The following ABCA10 variants were observed in gnomAD, a reference collection of about 807,000 sequenced individuals.
ABCA10 encodes the protein ATP binding cassette subfamily A member 10.
A neutral mutation model predicts 187.5 loss-of-function variants in ABCA10; 169 were observed. That is an observed-to-expected ratio of 0.90 (90% confidence interval 0.80 to 1.02). The LOEUF is 1.02. Among genes scored for constraint, ABCA10 ranks in the 50% least tolerant of loss-of-function variants. The pLI is 0.00. For missense variants in ABCA10, 1,727 were observed against 1,812.4 expected (o/e 0.95, Z 0.86); for synonymous variants, 574 against 601.8 (o/e 0.95, Z 0.68).
chr17:69,167,863 AG>A (rs993078929), intron 25 of ABCA10, among the ~76,000 whole-genome samples: 32 of 152,198 alleles, frequency 2.1e-4, no homozygotes, highest in African/African-American at 7.7e-4. Flanking sequence ...AAAAGCAAAA[AG>A]TAAGACAGAA....
At chr17:69,228,306 G>C (rs902346125) in intron 1 of ABCA10, among the ~76,000 whole-genome samples, 1 of 151,850 alleles carries the variant, frequency 6.6e-6, no homozygotes, top group African/African-American at 2.4e-5. Context: ...ATTCTCAAAA[G>C]GATATTCAAA....
chr17:69,221,844 C>T lies in ABCA10; in HGVS notation c.251G>A (p.Trp84Ter). Residue 84 changes from tryptophan to a stop codon, truncating the protein, a stop_gained, in exon 5 of 39, where the codon TGG becomes TAG. Transcript: ENST00000690296. LOFTEE classifies it high-confidence loss of function. ...GEIFCYLAKYWLKGFVAFQAA... is the reference protein window; with the variant it reads ...GEIFCYLAKY The stretch of plus-strand genomic sequence containing the variant: ...TTGAAAAGCTACAAACCCTTTTAGC[C>T]AGTACTTTGCCAAGTAACAAAAAAT... 3 of 1,613,204 alleles carry T rather than the reference C, an allele frequency of 1.9e-6. No individual in the cohort carries two copies. The highest frequency in any genetic ancestry group is 1.7e-4 in the Middle Eastern group (1 of 6,058).
At chr17:69,158,059 C>T (rs1036551858) in intron 27 of ABCA10, among the ~76,000 whole-genome samples, 2 of 151,614 alleles carry the variant, frequency 1.3e-5, no homozygotes, top group African/African-American at 2.4e-5. Flanking sequence ...TAGAAACAAA[C>T]AAAAGACAAA....
intron 1 of ABCA10, among the ~76,000 whole-genome samples, chr17:69,236,724 C>T (rs2074874084): frequency 6.6e-6 from 1 of 152,082 alleles, no homozygotes. Flanking sequence ...TTTTGTCTTC[C>T]TCCCCCTACC....
chr17:69,221,274 T>TTGA, intron 5 of ABCA10, among the ~76,000 whole-genome samples: 1 of 152,264 alleles, frequency 6.6e-6, no homozygotes, highest in Middle Eastern at 3.4e-3. Flanking sequence ...AAAAGCCCTT[T>TTGA]TGATGGTGTG....
chr17:69,191,160 T>C lies in ABCA10; in HGVS notation c.2011+16A>G, dbSNP rs2074456826. 6.3e-7 allele frequency: 1 copy of C among 1,577,872 alleles called. No homozygotes were observed. Among genetic ancestry groups the C allele is most frequent in the Non-Finnish European group, 8.6e-7 (1 of 1,160,098 alleles). ...GAACACTTACATATATTCTATGTGA[T>C]TACACAGTAAGTTACCTGGAAATTT... On this transcript the variant is annotated intron_variant, in intron 17 of 38. Transcript: ENST00000690296.
At chr17:69,159,563 T>G (rs2074199371) in intron 27 of ABCA10, among the ~76,000 whole-genome samples, 2 of 152,094 alleles carry the variant, frequency 1.3e-5, no homozygotes, top group Admixed American at 1.3e-4. Context: ...GATTCATCAC[T>G]CAGAGAGAAG....
intron 25 of ABCA10, among the ~76,000 whole-genome samples, chr17:69,171,531 T>C (rs2074297131): frequency 6.6e-6 from 1 of 152,154 alleles, no homozygotes; most frequent in Non-Finnish European, 1.5e-5. Context: ...GTAGAGACTT[T>C]AAGTCAGACA....
At chr17:69,149,332 T>A (rs1279480525) in intron 37 of ABCA10, 1 of 469,658 alleles carries the variant, frequency 2.1e-6, no homozygotes, top group Non-Finnish European at 3.8e-6. Flanking sequence ...TATTATCCTT[T>A]TGATTCTTTA....
At chr17:69,204,792 C>T (rs2144821222) in intron 9 of ABCA10, among the ~76,000 whole-genome samples, 1 of 152,312 alleles carries the variant, frequency 6.6e-6, no homozygotes, top group South Asian at 2.1e-4. Context: ...AAAACATTTA[C>T]ATATAATCTG....
chr17:69,197,021 G>GGGGAGGGGGAGGGGGAGA (rs759685220), intron 11 of ABCA10, 43 bp downstream of exon 11: 20 of 1,396,736 alleles, frequency 1.4e-5, no homozygotes, highest in African/African-American at 1.6e-5. Context: ...GGAGGGGGAG[G>GGGGAGGGGGAGGGGGAGA]GGGAGAGGGA....
rs745412041 is a variant in ABCA10, at chr17:69,193,264, C to T, written c.1642-16G>A. The stretch of plus-strand genomic sequence containing the variant: ...GCAGCAAAACCTACAGAGGAGGAAA[C>T]GTATGAAAGCATCTTCCTCTTCACA... On this transcript the variant is annotated splice_polypyrimidine_tract_variant and intron_variant, in intron 14 of 38. Coordinates refer to ENST00000690296, the MANE Select transcript of ABCA10 (RefSeq NM_001377321.1). 11 of 1,605,576 alleles carry T rather than the reference C, an allele frequency of 6.9e-6. No individual in the cohort carries two copies. The highest frequency in any genetic ancestry group is 2.2e-5 in the South Asian group (2 of 89,188).
At chr17:69,216,413 G>A in intron 6 of ABCA10, 55 bp from the exon 7 acceptor site, 1 of 1,536,476 alleles carries the variant, frequency 6.5e-7, no homozygotes, top group Non-Finnish European at 8.8e-7. Context: ...TGTTTGGAGA[G>A]GTAATGTGCG....
chr17:69,152,458 T>G lies in ABCA10; in HGVS notation c.4160A>C (p.Lys1387Thr). 6.2e-7 allele frequency: 1 copy of G among 1,613,778 alleles called. No individual in the cohort carries two copies. The highest frequency in any genetic ancestry group is 8.5e-7 in the Non-Finnish European group (1 of 1,179,836). ...CAAGAGGGTGCCCCTCTCCTTGTTT[T>G]TAACGGTAGCCTGAAGTATCTGCCT... is the stretch of plus-strand genomic sequence containing the variant. ...QMWQILQATVKNKERGTLLTT... is the reference protein window; with the variant it reads ...QMWQILQATVTNKERGTLLTT... Residue 1387 changes from lysine to threonine, a missense_variant, in exon 35 of 39, where the codon AAA (lysine) becomes ACA (threonine). Lys to Thr is a moderately conservative substitution (Grantham distance 78). Transcript: ENST00000690296.
intron 20 of ABCA10, among the ~76,000 whole-genome samples, chr17:69,183,464 CA>C (rs1478575407): frequency 6.6e-6 from 1 of 152,092 alleles, no homozygotes; most frequent in African/African-American, 2.4e-5. Context: ...AAGGACCCAT[CA>C]GGGAGAGAAT....
chr17:69,237,887 G>A (rs947005203), intron 1 of ABCA10, among the ~76,000 whole-genome samples: 2 of 152,090 alleles, frequency 1.3e-5, no homozygotes, highest in African/African-American at 4.8e-5. Flanking sequence ...AACTGGCCGG[G>A]CACAGTGGCT....
chr17:69,225,766 C>G (rs920440851), intron 2 of ABCA10, among the ~76,000 whole-genome samples: 1 of 152,082 alleles, frequency 6.6e-6, no homozygotes, highest in Non-Finnish European at 1.5e-5. Context: ...AGTGATTTAG[C>G]ACCCCTATTA....
chr17:69,210,925 G>A (rs1452231610), intron 9 of ABCA10, among the ~76,000 whole-genome samples: 1 of 148,024 alleles, frequency 6.8e-6, no homozygotes, highest in East Asian at 2.0e-4. Context: ...CCATATTTTT[G>A]CAATACCACT....
chr17:69,174,396 T>G lies in ABCA10; in HGVS notation c.3049-2A>C, dbSNP rs1299614161. The G allele has an allele frequency of 6.3e-7, 1 of 1,576,696 alleles. No individual in the cohort carries two copies. Among genetic ancestry groups the G allele is most frequent in the African/African-American group, 1.4e-5 (1 of 72,808 alleles). On this transcript the variant is annotated splice_acceptor_variant, in intron 24 of 38. Transcript: ENST00000690296. LOFTEE classifies it high-confidence loss of function. ...TGCACAACCAATTATGCATACCACC[T>G]GCAAATAATGAGGATCAATGGCAAG...
Sources: allele counts gnomAD v4.1 joint callset (sites outside exome capture counted in the v4.1 genomes callset), GRCh38; gene constraint gnomAD v4.1.1; transcripts MANE v1.5; gene names NCBI Gene and HGNC (gene_info 2026-07-23, HGNC 2026-07-21).